The following COL25A1 variants were observed in gnomAD, a reference collection of about 807,000 sequenced individuals.
COL25A1 encodes the protein collagen type XXV alpha 1 chain, also known as collagen alpha-1(XXV) chain.
In COL25A1, 103 loss-of-function variants were observed where a neutral mutation model predicts 128.4. The observed-to-expected ratio is 0.80, with a 90% confidence interval of 0.68 to 0.94. The LOEUF (loss-of-function observed/expected upper bound fraction) is 0.94. COL25A1 is among the 40% of genes least tolerant of loss of function. The probability of loss-of-function intolerance (pLI) is 0.00; values close to 1 mark genes in which losing one functional copy is unlikely to be tolerated. For synonymous variants in COL25A1, 279 were observed against 277.2 expected (o/e 1.01, Z -0.06); for missense variants, 745 against 840.0 (o/e 0.89, Z 1.40).
intron 3 of COL25A1, among the ~76,000 whole-genome samples, chr4:109,291,029 T>G (rs571034773): frequency 4.7e-4 from 72 of 152,280 alleles, no homozygotes; most frequent in Non-Finnish European, 1.0e-3. Context: ...ACTTTGAGAC[T>G]GTGTATTAAA....
chr4:109,098,982 C>T (rs904724299), intron 3 of COL25A1, among the ~76,000 whole-genome samples: 1 of 152,146 alleles, frequency 6.6e-6, no homozygotes, highest in Non-Finnish European at 1.5e-5. Context: ...GCTCAGTCTC[C>T]TTATCTACAA....
At chr4:109,187,003 G>T (rs531501204) in intron 3 of COL25A1, among the ~76,000 whole-genome samples, 1 of 152,244 alleles carries the variant, frequency 6.6e-6, no homozygotes, top group East Asian at 1.9e-4. Context: ...TTGTTACAGG[G>T]AACAACCCTT....
intron 3 of COL25A1, among the ~76,000 whole-genome samples, chr4:109,149,815 G>T (rs1004354857): frequency 1.3e-5 from 2 of 152,112 alleles, no homozygotes; most frequent in Non-Finnish European, 2.9e-5. Flanking sequence ...TAAATAGCTA[G>T]TTGTTCTACA....
chr4:109,175,254 T>G (rs1773982188), intron 3 of COL25A1, among the ~76,000 whole-genome samples: 1 of 152,208 alleles, frequency 6.6e-6, no homozygotes, highest in Non-Finnish European at 1.5e-5. Context: ...GACATCGAGT[T>G]TCTAGCATTA....
At chr4:108,841,660 C>A in intron 31 of COL25A1, 35 bp downstream of exon 31, 1 of 1,574,826 alleles carries the variant, frequency 6.3e-7, no homozygotes. Context: ...ATCAAGGAAG[C>A]AGAAATCAAA....
chr4:108,999,012 C>T (rs750827712), intron 6 of COL25A1, among the ~76,000 whole-genome samples: 4 of 152,116 alleles, frequency 2.6e-5, no homozygotes, highest in Admixed American at 6.5e-5. Context: ...CATAAAAATG[C>T]TAGAAGAAAA....
In COL25A1 at chr4:108,940,651, G is replaced by A. The variant is rs1747979563; in HGVS notation, c.565-5C>T. 1 of 1,571,974 alleles carries A rather than the reference G, an allele frequency of 6.4e-7. No individual in the cohort carries two copies. On this transcript the variant is annotated splice_region_variant and splice_polypyrimidine_tract_variant and intron_variant, in intron 9 of 37. Coordinates refer to ENST00000399132, the MANE Select transcript of COL25A1 (RefSeq NM_198721.4). ...CCCTGCCTGTCCTTGGTCACCCTGTGATGGAGAAGGGAACAGACCAGCAAT... is the reference window on the plus strand; with the variant it reads ...CCCTGCCTGTCCTTGGTCACCCTGTAATGGAGAAGGGAACAGACCAGCAAT...
At chr4:109,290,554 G>A (rs532198348) in intron 3 of COL25A1, among the ~76,000 whole-genome samples, 1 of 152,194 alleles carries the variant, frequency 6.6e-6, no homozygotes, top group African/African-American at 2.4e-5. Flanking sequence ...CAGACTTGCT[G>A]CTTAAAATCC....
At chr4:108,867,045 G>A (rs567208503) in intron 20 of COL25A1, among the ~76,000 whole-genome samples, 17 of 152,236 alleles carry the variant, frequency 1.1e-4, no homozygotes, top group African/African-American at 3.9e-4. Context: ...AATCATGCTG[G>A]GTTCTTCATA....
chr4:109,013,870 CAGTG>C (rs565309193), intron 5 of COL25A1, among the ~76,000 whole-genome samples: 159 of 152,304 alleles, frequency 1.0e-3, no homozygotes, highest in Non-Finnish European at 1.8e-3. Context: ...TTCTTGAAGT[CAGTG>C]AGACCAAGAG....
chr4:108,909,390 T>C (rs949852539), intron 13 of COL25A1, among the ~76,000 whole-genome samples: 2 of 152,188 alleles, frequency 1.3e-5, no homozygotes, highest in South Asian at 2.1e-4. Context: ...TTTTAGGTAA[T>C]TTGCTGAAAT....
chr4:109,202,221 T>C (rs1253760572), intron 3 of COL25A1, among the ~76,000 whole-genome samples: 1 of 151,912 alleles, frequency 6.6e-6, no homozygotes, highest in Admixed American at 6.6e-5. Flanking sequence ...AAACTTACTA[T>C]AAAGCCAGAG....
intron 3 of COL25A1, among the ~76,000 whole-genome samples, chr4:109,091,063 A>G (rs1337685235): frequency 6.6e-6 from 1 of 152,184 alleles, no homozygotes; most frequent in Non-Finnish European, 1.5e-5. Context: ...CTGGAAGAAA[A>G]AGAATCATAT....
intron 6 of COL25A1, among the ~76,000 whole-genome samples, chr4:109,007,098 C>G (rs1195929110): frequency 6.6e-6 from 1 of 152,110 alleles, no homozygotes; most frequent in East Asian, 1.9e-4. Flanking sequence ...AAATAAAACC[C>G]ATTTTGCTGA....
chr4:108,842,436 T>C (rs1734558423), intron 30 of COL25A1, among the ~76,000 whole-genome samples: 3 of 152,200 alleles, frequency 2.0e-5, no homozygotes, highest in Admixed American at 2.0e-4. Context: ...ATATACAGAC[T>C]AGTCAACTTA....
At chr4:109,024,026 T>G (rs932100272) in intron 5 of COL25A1, among the ~76,000 whole-genome samples, 8 of 152,210 alleles carry the variant, frequency 5.3e-5, no homozygotes, top group Non-Finnish European at 1.2e-4. Context: ...TGAGTACCCA[T>G]ACAACTATCC....
At chr4:108,865,402 G>T (rs1167322677) in intron 20 of COL25A1, among the ~76,000 whole-genome samples, 3 of 152,154 alleles carry the variant, frequency 2.0e-5, no homozygotes, top group Admixed American at 6.5e-5. Context: ...AAAGACAGGA[G>T]GCAAGTGTTA....
At chr4:109,083,448 A>AAAT (rs377354398) in intron 3 of COL25A1, among the ~76,000 whole-genome samples, 1,276 of 77,432 alleles carry the variant, frequency 0.016, 47 homozygotes, top group African/African-American at 0.034. Flanking sequence ...CACTAAATAA[A>AAAT]TTTTTTTTTT....
chr4:109,144,599 A>C (rs1770756560), intron 3 of COL25A1, among the ~76,000 whole-genome samples: 1 of 152,192 alleles, frequency 6.6e-6, no homozygotes, highest in Admixed American at 6.5e-5. Context: ...CCTGCCCAAG[A>C]AATTTCATTC....
Sources: allele counts gnomAD v4.1 joint callset (sites outside exome capture counted in the v4.1 genomes callset), GRCh38; gene constraint gnomAD v4.1.1; transcripts MANE v1.5; gene names NCBI Gene and HGNC (gene_info 2026-07-23, HGNC 2026-07-21).